Variants in ANO4 observed in about 807,000 individuals in gnomAD.
ANO4 encodes the protein anoctamin 4.
A neutral mutation model predicts 141.9 loss-of-function variants in ANO4; 69 were observed. The ratio of observed to expected loss-of-function variants is 0.49; its 90% confidence interval spans 0.40 to 0.59. The LOEUF is 0.59. ANO4 is among the 20% of genes least tolerant of loss of function. The pLI is 0.00. For synonymous variants in ANO4, 350 were observed against 394.3 expected, an observed-to-expected ratio of 0.89 and a Z score of 1.33; for missense variants, 894 against 1,162.2, an observed-to-expected ratio of 0.77 and a Z score of 3.36.
chr12:101,003,422 G>A (rs2045734305), intron 8 of ANO4, among the ~76,000 whole-genome samples: 1 of 152,194 alleles, frequency 6.6e-6, no homozygotes, highest in South Asian at 2.1e-4. Context: ...GCCAAAACAA[G>A]CCTTATGACC....
chr12:101,085,763 C>T (rs1046265119), intron 16 of ANO4, among the ~76,000 whole-genome samples: 2 of 152,126 alleles, frequency 1.3e-5, no homozygotes, highest in African/African-American at 2.4e-5. Context: ...GTACCTATCA[C>T]GTAGTTGGTT....
At chr12:100,834,919 G>A (rs578082739) in intron 1 of ANO4, among the ~76,000 whole-genome samples, 4 of 152,242 alleles carry the variant, frequency 2.6e-5, no homozygotes, top group Admixed American at 6.5e-5. Flanking sequence ...CCCCTGGCAC[G>A]TTAAGGACCA....
intron 3 of ANO4, among the ~76,000 whole-genome samples, chr12:100,740,449 G>C (rs2031814720): frequency 6.6e-6 from 1 of 152,080 alleles, no homozygotes; most frequent in Non-Finnish European, 1.5e-5. Flanking sequence ...TTTGACCTAA[G>C]TGCTAGTTCT....
intron 3 of ANO4, among the ~76,000 whole-genome samples, chr12:100,934,131 G>T (rs756439128): frequency 1.3e-5 from 2 of 152,064 alleles, no homozygotes; most frequent in African/African-American, 4.8e-5. Context: ...TTTGGTTTTT[G>T]TTGCCATTGC....
rs976184054 is a variant in ANO4, at chr12:100,898,778, G to A, written c.-140-2868G>A. ...CAGCCCAATAAGCCTCTGCAAAAAG[G>A]AAAAGAAGAAATTTTTTCAGGAGAG... On this transcript the variant is annotated intron_variant, in intron 1 of 27. Transcript: ENST00000392977. Among the ~76,000 whole-genome samples the A allele has an allele frequency of 5.3e-5, 8 of 152,130 alleles. No individual in the cohort carries two copies. In the South Asian group the frequency reaches 1.5e-3, roughly 28 times the overall value.
At position 100,777,339 on chromosome 12, in the gene ANO4, G is replaced by A. The variant is rs1487361507; in HGVS notation, c.358+37234G>A. On this transcript the variant is annotated intron_variant, in intron 3 of 29. Transcript: ENST00000644049. The stretch of plus-strand genomic sequence containing the variant: ...TTGCCATGTGGGCCGGGCTGGTCTC[G>A]AGCTCCGGACCTCAGGTGATCTGCC... Among the ~76,000 whole-genome samples the A allele has an allele frequency of 3.7e-5, 5 of 134,198 alleles. No homozygotes were observed. In the South Asian group the frequency reaches 9.3e-4, roughly 25 times the overall value. 88.0% of individuals were successfully genotyped at this position (134,198 alleles called of 152,430 possible). A position where few individuals can be genotyped will look rare whatever the true frequency, so the allele number is the denominator to read the frequency against.
intron 5 of ANO4, among the ~76,000 whole-genome samples, chr12:100,955,924 A>T (rs953260720): frequency 5.3e-5 from 8 of 152,182 alleles, no homozygotes; most frequent in African/African-American, 1.9e-4. Flanking sequence ...CTTCCCAGAC[A>T]GAGTGTGAAT....
At chr12:100,948,109 C>T (rs1419064861) in intron 5 of ANO4, among the ~76,000 whole-genome samples, 5 of 141,040 alleles carry the variant, frequency 3.5e-5, no homozygotes, top group African/African-American at 8.1e-5. Context: ...TGAGATCATG[C>T]CACTGCACTG....
chr12:100,834,479 T>C (rs1438330480), intron 1 of ANO4, among the ~76,000 whole-genome samples: 1 of 152,144 alleles, frequency 6.6e-6, no homozygotes, highest in African/African-American at 2.4e-5. Flanking sequence ...CTGAAGAGCA[T>C]AGATTGTAAT....
Position 100,847,879 on chromosome 12 carries a change from C to G in ANO4, c.-141+52852C>G, listed in dbSNP as rs148686593. On this transcript the variant is annotated intron_variant, in intron 1 of 27. Transcript: ENST00000392977. ...CCAGTCTTTAGTAACATCAAGTTAT[C>G]TTGGTACAGGAAGCAAATAGCCACT... is the stretch of plus-strand genomic sequence containing the variant. Among the ~76,000 whole-genome samples the G allele has an allele frequency of 3.6e-3, 549 of 152,276 alleles. 2 individuals are homozygous for G. Among genetic ancestry groups the G allele is most frequent in the Admixed American group, 5.8e-3 (89 of 15,294 alleles).
intron 22 of ANO4, among the ~76,000 whole-genome samples, chr12:101,109,904 G>A (rs2050596122): frequency 6.6e-6 from 1 of 152,022 alleles, no homozygotes; most frequent in Admixed American, 6.5e-5. Context: ...CATCAGTCTG[G>A]ACTTAGATAC....
chr12:100,963,377 C>A (rs1472907693), intron 5 of ANO4, among the ~76,000 whole-genome samples: 1 of 152,054 alleles, frequency 6.6e-6, no homozygotes, highest in East Asian at 1.9e-4. Context: ...TCACACACAC[C>A]AATTTCTTGT....
intron 8 of ANO4, among the ~76,000 whole-genome samples, chr12:101,001,837 G>T (rs552353296): frequency 5.3e-5 from 8 of 152,098 alleles, no homozygotes; most frequent in Non-Finnish European, 1.2e-4. Context: ...CTGTGAAGAT[G>T]GTAGTTTATT....
intron 17 of ANO4, among the ~76,000 whole-genome samples, chr12:101,093,624 C>A (rs1438240687): frequency 6.6e-6 from 1 of 152,118 alleles, no homozygotes; most frequent in Non-Finnish European, 1.5e-5. Flanking sequence ...CTCCTTGGTA[C>A]ACACACGCAC....
At chr12:101,064,663 T>TATTATA (rs1332946179) in intron 14 of ANO4, among the ~76,000 whole-genome samples, 1 of 130,168 alleles carries the variant, frequency 7.7e-6, no homozygotes, top group African/African-American at 2.7e-5. Flanking sequence ...CTTAAAGTAT[T>TATTATA]ATAATAATAA....
chr12:100,783,873 T>A (rs1005518720), intron 3 of ANO4, among the ~76,000 whole-genome samples: 1 of 152,080 alleles, frequency 6.6e-6, no homozygotes, highest in Non-Finnish European at 1.5e-5. Context: ...AAACTGTCCA[T>A]AAAGATCAGG....
At position 101,058,540 on chromosome 12, in the gene ANO4, A is replaced by G. The variant is rs1264599790; in HGVS notation, c.1312+10139A>G. On this transcript the variant is annotated intron_variant, in intron 14 of 27. Coordinates refer to ENST00000392977, the MANE Select transcript of ANO4 (RefSeq NM_001286615.2). ...GTTTGTGTCCTCTCTCATTTCCTTGAGCAGTGGTTTGTAATTCTCCTTGAA... is the reference window on the plus strand; with the variant it reads ...GTTTGTGTCCTCTCTCATTTCCTTGGGCAGTGGTTTGTAATTCTCCTTGAA... Among the ~76,000 whole-genome samples the G allele has an allele frequency of 4.6e-5, 7 of 152,106 alleles. No individual in the cohort carries two copies. The East Asian group carries it at 1.3e-3, about 29-fold the overall frequency.
chr12:100,735,082 A>G (rs1204499628), intron 2 of ANO4, among the ~76,000 whole-genome samples: 1 of 152,162 alleles, frequency 6.6e-6, no homozygotes, highest in Non-Finnish European at 1.5e-5. Flanking sequence ...CATTGCTGCC[A>G]CCTTTCTGAG....
intron 3 of ANO4, among the ~76,000 whole-genome samples, chr12:100,929,318 T>C (rs1326602495): frequency 6.6e-6 from 1 of 152,120 alleles, no homozygotes; most frequent in Non-Finnish European, 1.5e-5. Context: ...TCTATCTCCA[T>C]TAGTTCAATT....
Sources: allele counts gnomAD v4.1 joint callset (sites outside exome capture counted in the v4.1 genomes callset), GRCh38; gene constraint gnomAD v4.1.1; transcripts MANE v1.5; gene names NCBI Gene and HGNC (gene_info 2026-07-23, HGNC 2026-07-21).